Variants in FADS2 observed in about 807,000 individuals in gnomAD.
FADS2 encodes the protein acyl-CoA 6-desaturase.
FADS2 carries 18 observed loss-of-function variants against 61.2 expected under a neutral mutation model. That is an observed-to-expected ratio of 0.29 (90% CI 0.20 to 0.44). The LOEUF (loss-of-function observed/expected upper bound fraction) is 0.44, where lower values mean the gene tolerates loss of function less well. FADS2 is among the 20% of genes least tolerant of loss of function. The probability of loss-of-function intolerance (pLI) is 1.00; values close to 1 mark genes in which losing one functional copy is unlikely to be tolerated. For missense variants in FADS2, 322 were observed against 572.7 expected (o/e 0.56, Z 4.47); for synonymous variants, 203 against 223.9 (o/e 0.91, Z 0.83).
At chr11:61,825,518 T>C (rs1250507757), upstream of FADS2, among the ~76,000 whole-genome samples, 3 of 150,948 alleles carry the variant, frequency 2.0e-5, no homozygotes, top group Non-Finnish European at 4.4e-5. Flanking sequence ...CTCAGGAGGC[T>C]GAGGCAGTAG....
chr11:61,836,128 C>T (rs887422644), intron 1 of FADS2, among the ~76,000 whole-genome samples: 1 of 152,206 alleles, frequency 6.6e-6, no homozygotes, highest in African/African-American at 2.4e-5. Context: ...GTCAAAGTCT[C>T]ACTCTGTCGC....
chr11:61,816,599 C>A lies in FADS2; in HGVS notation c.141+173C>A. 6.2e-7 allele frequency: 1 copy of A among 1,610,160 alleles called. No homozygotes were observed. The highest frequency in any genetic ancestry group is 8.5e-7 in the Non-Finnish European group (1 of 1,178,986). The stretch of plus-strand genomic sequence containing the variant: ...TAGTGGCTGATGACCCGGGAGCCCC[C>A]TGGATGCCGGCGGGTGAACTCGCTG... On this transcript the variant is annotated intron_variant, in intron 1 of 11. Coordinates refer to the FADS2 transcript ENST00000257261. The surrounding 1 kb of genome is among the most constrained non-coding windows in gnomAD (Gnocchi z 7.0).
At position 61,816,466 on chromosome 11, in the gene FADS2, G is replaced by A. The variant is rs201892776; in HGVS notation, c.141+40G>A. On this transcript the variant is annotated intron_variant, in intron 1 of 11. Coordinates refer to the FADS2 transcript ENST00000257261. This position sits in a 1 kb window ranked among gnomAD's most constrained non-coding sequence, Gnocchi z 7.0. ...CTCCGGGCTTTCCTCCGAATTAGTCGGTGTTTGGCTCGGAGTGCGTAACTC... is the reference window on the plus strand; with the variant it reads ...CTCCGGGCTTTCCTCCGAATTAGTCAGTGTTTGGCTCGGAGTGCGTAACTC... The A allele has an allele frequency of 2.4e-5, 38 of 1,600,748 alleles. No homozygotes were observed. The highest frequency in any genetic ancestry group is 3.3e-4 in the Middle Eastern group (2 of 6,082).
At position 61,867,288 on chromosome 11, in the gene FADS2, G is replaced by A. The variant is rs1176951565; in HGVS notation, c.*1599G>A. On this transcript the variant is annotated 3_prime_UTR_variant, in exon 12 of 12. Coordinates refer to ENST00000278840, the MANE Select transcript of FADS2 (RefSeq NM_004265.4). ...AGAATGAACCCATAGGGAGCTGATCGTAATGTTTATCATGTTACTTCCCCA... is the reference window on the plus strand; with the variant it reads ...AGAATGAACCCATAGGGAGCTGATCATAATGTTTATCATGTTACTTCCCCA... 3.9e-5 allele frequency: 6 copies of A among 151,952 alleles called. No homozygotes were observed. The highest frequency in any genetic ancestry group is 8.8e-5 in the Non-Finnish European group (6 of 67,982). 9.4% of individuals were successfully genotyped at this position (151,952 alleles called of 1,614,324 possible). A position where few individuals can be genotyped will look rare whatever the true frequency, so the allele number is the denominator to read the frequency against.
At chr11:61,855,301 G>A (rs1296624120) in intron 5 of FADS2, 1 of 152,330 alleles carries the variant, frequency 6.6e-6, no homozygotes. Context: ...TGCCAAGGCT[G>A]GGGCTATGAG....
At chr11:61,843,027 C>T (rs1337124536) in intron 4 of FADS2, among the ~76,000 whole-genome samples, 1 of 152,212 alleles carries the variant, frequency 6.6e-6, no homozygotes, top group Non-Finnish European at 1.5e-5. Flanking sequence ...GACCTGTTTG[C>T]CTTCAGCCCG....
Position 61,840,794 on chromosome 11 carries a change from C to T in FADS2, c.618+69C>T, listed in dbSNP as rs561606360. On this transcript the variant is annotated intron_variant, in intron 4 of 11. Transcript: ENST00000278840. ...TTGAGACAGAGGGACCAGGATTCCT[C>T]TCTGCTCAGTGCTCTGAGGCTACAG... The T allele has an allele frequency of 2.2e-5, 26 of 1,190,094 alleles. No homozygotes were observed. In the Admixed American group the frequency reaches 4.2e-4, roughly 19 times the overall value. 73.7% of individuals were successfully genotyped at this position (1,190,094 alleles called of 1,614,324 possible). A position where few individuals can be genotyped will look rare whatever the true frequency, so the allele number is the denominator to read the frequency against.
intron 1 of FADS2, among the ~76,000 whole-genome samples, chr11:61,831,131 A>G (rs2067125123): frequency 6.6e-6 from 1 of 152,032 alleles, no homozygotes; most frequent in African/African-American, 2.4e-5. Context: ...ACCAGGTTGG[A>G]AAAAGGCCTT....
intron 1 of FADS2, chr11:61,829,161 C>T (rs99780): frequency 0.38 from 58,401 of 153,086 alleles, 11,800 homozygotes; most frequent in East Asian, 0.55. Flanking sequence ...AACCGCCCAG[C>T]AGCTCGGGTT....
rs2066991649 is a variant in FADS2, at chr11:61,816,951, G to A, written c.141+525G>A. On this transcript the variant is annotated intron_variant, in intron 1 of 11. Coordinates refer to the FADS2 transcript ENST00000257261. The surrounding 1 kb of genome is among the most constrained non-coding windows in gnomAD (Gnocchi z 7.0). ...CCATTGGCCGAGCCTCGTGGCGCGG[G>A]GAGCGAGATCCCGTCCCCCGGTGGG... The A allele has an allele frequency of 3.6e-6, 5 of 1,375,028 alleles. No individual in the cohort carries two copies. The East Asian group carries it at 1.2e-4, about 34-fold the overall frequency. 85.2% of individuals were successfully genotyped at this position (1,375,028 alleles called of 1,614,324 possible).
At chr11:61,828,157 G>A, upstream of FADS2, 1 of 1,401,328 alleles carries the variant, frequency 7.1e-7, no homozygotes, top group Non-Finnish European at 9.2e-7. The surrounding 1 kb of genome is among the most constrained non-coding windows in gnomAD (Gnocchi z 6.4). Flanking sequence ...CGGAGGAAGG[G>A]GACCGCTTGG....
chr11:61,849,206 G>A (rs544035982), intron 5 of FADS2, among the ~76,000 whole-genome samples: 3 of 152,170 alleles, frequency 2.0e-5, no homozygotes, highest in South Asian at 4.1e-4. Flanking sequence ...AGAGAGTCAC[G>A]TAATTTAGTG....
intron 5 of FADS2, among the ~76,000 whole-genome samples, chr11:61,851,821 C>T (rs1380991908): frequency 1.3e-5 from 2 of 152,222 alleles, no homozygotes; most frequent in Non-Finnish European, 2.9e-5. Flanking sequence ...CCCTTTTCCT[C>T]GTTTTCTGCA....
At position 61,840,387 on chromosome 11, in the gene FADS2, C is replaced by T. The variant is rs150282736; in HGVS notation, c.372C>T (p.Asn124=). ...RALRKTAEDM[N]LFKTNHVFFL... ...TGAGGAAGACGGCTGAGGACATGAA[C>T]CTGTTCAAGACCAACCACGTGTTCT... The change falls in exon 3 of 12, where the codon AAC becomes AAT. Residue 124 remains asparagine, a synonymous_variant. Transcript: ENST00000278840. 157 of 1,614,202 alleles carry T rather than the reference C, an allele frequency of 9.7e-5. No homozygotes were observed. The African/African-American group carries it at 1.7e-3, about 17-fold the overall frequency.
intron 6 of FADS2, 130 bp downstream of exon 6, chr11:61,857,201 C>T: frequency 2.3e-6 from 2 of 858,556 alleles, no homozygotes; most frequent in Admixed American, 2.0e-5. Flanking sequence ...GCGGGGGCCA[C>T]AGCAGCCTTG....
At chr11:61,851,602 G>T (rs2067307771) in intron 5 of FADS2, among the ~76,000 whole-genome samples, 1 of 152,190 alleles carries the variant, frequency 6.6e-6, no homozygotes, top group Admixed American at 6.5e-5. Flanking sequence ...AGTGACAGTG[G>T]GTCTGATGGG....
At chr11:61,845,784 C>CAA (rs548433908) in intron 4 of FADS2, among the ~76,000 whole-genome samples, 70 of 84,068 alleles carry the variant, frequency 8.3e-4, no homozygotes, top group African/African-American at 2.4e-3. Flanking sequence ...AACTCTGTCT[C>CAA]AAAAAAAAAA....
At chr11:61,828,161 C>T (rs934328348), upstream of FADS2, 8 of 1,402,668 alleles carry the variant, frequency 5.7e-6, no homozygotes, top group Non-Finnish European at 7.4e-6. This position sits in a 1 kb window ranked among gnomAD's most constrained non-coding sequence, Gnocchi z 6.4. Context: ...GGAAGGGGAC[C>T]GCTTGGGGGC....
intron 7 of FADS2, among the ~76,000 whole-genome samples, chr11:61,858,179 A>T (rs1160381447): frequency 6.6e-6 from 1 of 152,100 alleles, no homozygotes; most frequent in Non-Finnish European, 1.5e-5. Context: ...CTTTAAAAAA[A>T]TTATTTTGTT....
Sources: allele counts gnomAD v4.1 joint callset (sites outside exome capture counted in the v4.1 genomes callset), GRCh38; gene constraint gnomAD v4.1.1; non-coding constraint Gnocchi (gnomAD v3.1); transcripts MANE v1.5; gene names NCBI Gene and HGNC (gene_info 2026-07-23, HGNC 2026-07-21).